MCTP2: variants seen among roughly 807,000 people sequenced by gnomAD.
The protein encoded by MCTP2 is multiple C2 and transmembrane domain-containing protein 2.
MCTP2 carries 132 observed loss-of-function variants against 111.6 expected under a neutral mutation model. The observed-to-expected ratio is 1.18, with a 90% CI of 1.03 to 1.37. The LOEUF (loss-of-function observed/expected upper bound fraction) is 1.37, where lower values mean the gene tolerates loss of function less well. Ranked by LOEUF, MCTP2 falls within the 40% of genes most tolerant of loss-of-function variation. The probability of loss-of-function intolerance (pLI) is 0.00; values close to 1 mark genes in which losing one functional copy is unlikely to be tolerated. For missense variants in MCTP2, 1,183 were observed against 1,067.9 expected (o/e 1.11, Z -1.50); for synonymous variants, 395 against 387.7 (o/e 1.02, Z -0.22).
intron 17 of MCTP2, among the ~76,000 whole-genome samples, chr15:94,413,110 T>G (rs903263144): frequency 6.6e-6 from 1 of 152,136 alleles, no homozygotes; most frequent in Non-Finnish European, 1.5e-5. Flanking sequence ...ACAAATAGCT[T>G]GGCAATCGCT....
intron 16 of MCTP2, among the ~76,000 whole-genome samples, chr15:94,401,376 G>T (rs2081580398): frequency 6.6e-6 from 1 of 152,186 alleles, no homozygotes; most frequent in African/African-American, 2.4e-5. Flanking sequence ...TAAGTAACTT[G>T]CCCAAGGTGA....
At chr15:94,267,831 A>T (rs2073635379) in intron 1 of MCTP2, among the ~76,000 whole-genome samples, 1 of 148,228 alleles carries the variant, frequency 6.7e-6, no homozygotes, top group Non-Finnish European at 1.5e-5. Context: ...TTAGTTTCAA[A>T]TGTAATGGCA....
In MCTP2 at chr15:94,479,830, A is replaced by C. The variant is rs2074634933; in HGVS notation, c.*796A>C. ...TAAAATGTCAACATATAATTTCAGA[A>C]AGGCAGGTGGGGGTAGGGGAGAAAT... is the stretch of plus-strand genomic sequence containing the variant. On this transcript the variant is annotated 3_prime_UTR_variant, in exon 23 of 23. Coordinates refer to ENST00000357742, the MANE Select transcript of MCTP2 (RefSeq NM_001385001.1). The C allele has an allele frequency of 6.6e-6, 1 of 152,172 alleles. No individual in the cohort carries two copies. The highest frequency in any genetic ancestry group is 1.5e-5 in the Non-Finnish European group (1 of 68,028). The allele number at this position is 152,172 out of a possible 1,614,324, so 9.4% of individuals were successfully genotyped here. A position where few individuals can be genotyped will look rare whatever the true frequency, so the allele number is the denominator to read the frequency against.
chr15:94,347,110 GT>G (rs1436722050), intron 8 of MCTP2, among the ~76,000 whole-genome samples: 1 of 152,108 alleles, frequency 6.6e-6, no homozygotes, highest in Non-Finnish European at 1.5e-5. Context: ...TTTCAATTAT[GT>G]TGACTTTTTG....
intron 2 of MCTP2, among the ~76,000 whole-genome samples, chr15:94,305,513 A>G (rs1176688853): frequency 6.6e-6 from 1 of 152,216 alleles, no homozygotes; most frequent in African/African-American, 2.4e-5. Flanking sequence ...GGGAGTGTAT[A>G]TATATACCTT....
intron 2 of MCTP2, among the ~76,000 whole-genome samples, chr15:94,299,777 C>G (rs1293890285): frequency 6.6e-6 from 1 of 152,152 alleles, no homozygotes; most frequent in African/African-American, 2.4e-5. Context: ...TTTAGTTTCA[C>G]TTTTAGAAAC....
At chr15:94,452,796 CAT>C (rs1233206249) in intron 19 of MCTP2, among the ~76,000 whole-genome samples, 1 of 152,180 alleles carries the variant, frequency 6.6e-6, no homozygotes, top group Non-Finnish European at 1.5e-5. Context: ...TTGATAAACA[CAT>C]ATTATCCAAA....
Position 94,399,064 on chromosome 15 carries a change from T to C in MCTP2, c.1890+2T>C, listed in dbSNP as rs1429032667. 1 of 1,433,990 alleles carries C rather than the reference T, an allele frequency of 7.0e-7. No individual in the cohort carries two copies. Among genetic ancestry groups the C allele is most frequent in the Admixed American group, 1.7e-5 (1 of 59,240 alleles). 88.8% of individuals were successfully genotyped at this position (1,433,990 alleles called of 1,614,324 possible). ...GAGATGGACCTTATATATAATCCGG[T>C]AAGTCTAGCTGGGTCATACTTCCCG... On this transcript the variant is annotated splice_donor_variant, in intron 15 of 22. Transcript: ENST00000357742. LOFTEE classifies it high-confidence loss of function.
intron 1 of MCTP2, among the ~76,000 whole-genome samples, chr15:94,284,182 A>G (rs1279172698): frequency 5.3e-5 from 8 of 152,222 alleles, no homozygotes; most frequent in Admixed American, 5.2e-4. Flanking sequence ...GGTAATTTGG[A>G]CAGGATAAGT....
At chr15:94,474,897 TG>T (rs1359948689) in intron 21 of MCTP2, among the ~76,000 whole-genome samples, 3 of 152,010 alleles carry the variant, frequency 2.0e-5, no homozygotes, top group Non-Finnish European at 2.9e-5. Flanking sequence ...CAGTGCATTG[TG>T]GAATACTTTT....
intron 3 of MCTP2, chr15:94,314,628 C>CAAA (rs2076298989): frequency 1.9e-6 from 1 of 522,128 alleles, no homozygotes; most frequent in Non-Finnish European, 3.5e-6. Context: ...TTGAAACTTT[C>CAAA]AAAAGAAGGC....
chr15:94,345,101 T>C (rs1473085090), intron 7 of MCTP2, 28 bp from the exon 8 acceptor site: 1 of 1,611,826 alleles, frequency 6.2e-7, no homozygotes, highest in East Asian at 2.2e-5. Flanking sequence ...TTTGCCATTT[T>C]CACCATTCCG....
chr15:94,324,885 G>C (rs1206139734), intron 4 of MCTP2, among the ~76,000 whole-genome samples: 3 of 152,100 alleles, frequency 2.0e-5, no homozygotes, highest in Non-Finnish European at 4.4e-5. Flanking sequence ...ACTGATTTAA[G>C]TCCTGGTTTT....
chr15:94,400,117 C>A, intron 16 of MCTP2, 122 bp downstream of exon 16: 1 of 757,710 alleles, frequency 1.3e-6, no homozygotes. Context: ...TCCTCTCTCC[C>A]TCTTGCCCCA....
At chr15:94,276,823 G>C (rs1363883583) in intron 1 of MCTP2, among the ~76,000 whole-genome samples, 1 of 132,272 alleles carries the variant, frequency 7.6e-6, no homozygotes, top group African/African-American at 3.1e-5. Flanking sequence ...TCCATCTTAA[G>C]AGCTGTTAGT....
In MCTP2 at chr15:94,257,254, C is replaced by T. The variant is rs2072834510; in HGVS notation, c.-66+25590C>T. Among the ~76,000 whole-genome samples the T allele has an allele frequency of 2.0e-5, 3 of 152,150 alleles. No homozygotes were observed. The South Asian group carries it at 6.2e-4, about 31-fold the overall frequency. On this transcript the variant is annotated intron_variant, in intron 1 of 22. Coordinates refer to ENST00000357742, the MANE Select transcript of MCTP2 (RefSeq NM_001385001.1). ...TCCTCTGTGGGATGGCTTCATCCCT[C>T]TTCAAACATATATATCCTCATGGGA...
At chr15:94,360,669 C>T (rs2078881458) in intron 10 of MCTP2, among the ~76,000 whole-genome samples, 3 of 152,046 alleles carry the variant, frequency 2.0e-5, no homozygotes, top group African/African-American at 4.8e-5. Context: ...TAATAGGAAA[C>T]GCTTTTCCAA....
Position 94,445,163 on chromosome 15 carries a change from G to T in MCTP2, c.2250+2203G>T, listed in dbSNP as rs559888599. Among the ~76,000 whole-genome samples the T allele has an allele frequency of 3.3e-5, 5 of 152,306 alleles. No homozygotes were observed. The East Asian group carries it at 9.6e-4, about 29-fold the overall frequency. ...AGCATCCATAGGGATAAGCCTGGGA[G>T]CTGTTGCATTCATCTCAGCATGGCC... On this transcript the variant is annotated intron_variant, in intron 19 of 22. Transcript: ENST00000357742.
chr15:94,399,719 A>G (rs551758775), intron 15 of MCTP2: 54 of 558,468 alleles, frequency 9.7e-5, no homozygotes, highest in African/African-American at 3.0e-4. Flanking sequence ...TCTAGACTCA[A>G]TCTGACCCAT....
Sources: allele counts gnomAD v4.1 joint callset (sites outside exome capture counted in the v4.1 genomes callset), GRCh38; gene constraint gnomAD v4.1.1; transcripts MANE v1.5; gene names NCBI Gene and HGNC (gene_info 2026-07-23, HGNC 2026-07-21).